RANBP2: variants seen among roughly 807,000 people sequenced by gnomAD.
The protein encoded by RANBP2 is RAN binding protein 2.
RANBP2 carries 57 observed loss-of-function variants against 303.6 expected under a neutral mutation model. The observed-to-expected ratio is 0.19, with a 90% confidence interval of 0.15 to 0.23. The LOEUF is 0.23. RANBP2 is among the 10% of genes least tolerant of loss of function. RANBP2 has a pLI of 1.00. For synonymous variants in RANBP2, 1,167 were observed against 1,301.5 expected, an observed-to-expected ratio of 0.90 and a Z score of 2.23; for missense variants, 3,138 against 3,780.8, an observed-to-expected ratio of 0.83 and a Z score of 4.46.
chr2:109,642,169 A>G, the RANBP2 span, among the ~76,000 whole-genome samples: 1 of 151,810 alleles, frequency 6.6e-6, no homozygotes, highest in African/African-American at 2.4e-5. Flanking sequence ...CGTGTTATCC[A>G]CCTGCCTTGG....
chr2:109,362,199 G>C, the RANBP2 span, among the ~76,000 whole-genome samples: 1 of 151,986 alleles, frequency 6.6e-6, no homozygotes, highest in Non-Finnish European at 1.5e-5. Flanking sequence ...GATGCATTCA[G>C]TGCTATAAAT....
chr2:109,657,576 AGT>A, the RANBP2 span, among the ~76,000 whole-genome samples: 1 of 76,998 alleles, frequency 1.3e-5, no homozygotes, highest in Non-Finnish European at 3.3e-5. Context: ...TTTAAGTTGG[AGT>A]GAAGTTTAAA....
At chr2:109,329,958 A>C in the RANBP2 span, among the ~76,000 whole-genome samples, 1 of 152,226 alleles carries the variant, frequency 6.6e-6, no homozygotes, top group East Asian at 1.9e-4. Flanking sequence ...GGGTTCTTGG[A>C]CCCCTAGTCA....
the RANBP2 span, among the ~76,000 whole-genome samples, chr2:109,396,540 C>T: frequency 6.6e-6 from 1 of 152,228 alleles, no homozygotes; most frequent in East Asian, 1.9e-4. Flanking sequence ...GCCACTTAAA[C>T]TCAGCAGGGC....
the RANBP2 span, chr2:109,347,704 C>T: frequency 2.5e-6 from 4 of 1,613,824 alleles, no homozygotes; most frequent in African/African-American, 4.0e-5. Flanking sequence ...TGGCAAGGCC[C>T]TCTACAGCTA....
chr2:109,592,820 T>A, the RANBP2 span, among the ~76,000 whole-genome samples: 1 of 151,338 alleles, frequency 6.6e-6, no homozygotes, highest in African/African-American at 2.4e-5. Context: ...GAAAAAAAAA[T>A]TTCCTTAATG....
At chr2:109,707,679 C>T in the RANBP2 span, among the ~76,000 whole-genome samples, 27 of 152,316 alleles carry the variant, frequency 1.8e-4, no homozygotes, top group Non-Finnish European at 3.5e-4. Context: ...CCTGTTCTGA[C>T]GGGTCAGCGC....
At chr2:108,789,607 AACTACAAAAAAAACTGCCATACAGGT>A (rs1169539070), downstream of RANBP2, among the ~76,000 whole-genome samples, 1 of 152,186 alleles carries the variant, frequency 6.6e-6, no homozygotes, top group Non-Finnish European at 1.5e-5. Flanking sequence ...AGAAAAAACG[AACTACAAAAAAAACTGCCATACAGGT>A]TTTGTTAGGC....
chr2:109,047,218 T>C, the RANBP2 span, among the ~76,000 whole-genome samples: 2 of 152,148 alleles, frequency 1.3e-5, no homozygotes, highest in Non-Finnish European at 2.9e-5. Flanking sequence ...CCTGCTCCCA[T>C]TGCTTCCCCA....
the RANBP2 span, among the ~76,000 whole-genome samples, chr2:109,272,200 A>G: frequency 6.6e-6 from 1 of 152,196 alleles, no homozygotes; most frequent in Non-Finnish European, 1.5e-5. Context: ...GCCCTCTGCA[A>G]TGACTGTCTG....
the RANBP2 span, among the ~76,000 whole-genome samples, chr2:108,941,398 A>G: frequency 3.3e-5 from 5 of 152,084 alleles, no homozygotes; most frequent in African/African-American, 1.2e-4. Flanking sequence ...GCCAGAGGAG[A>G]GTCCTGGTAG....
the RANBP2 span, among the ~76,000 whole-genome samples, chr2:108,908,332 A>G: frequency 1.3e-5 from 2 of 152,150 alleles, no homozygotes; most frequent in Non-Finnish European, 2.9e-5. Context: ...CTGACACACA[A>G]TGGATGCTCC....
chr2:109,105,248 C>T, the RANBP2 span, among the ~76,000 whole-genome samples: 2 of 152,152 alleles, frequency 1.3e-5, no homozygotes, highest in African/African-American at 2.4e-5. Flanking sequence ...GGAATTTAAC[C>T]GATATATGAC....
chr2:109,615,153 C>A, the RANBP2 span: 17 of 1,549,328 alleles, frequency 1.1e-5, no homozygotes, highest in South Asian at 1.1e-4. Context: ...GAGCGTGTGT[C>A]CCGGGGGCAG....
the RANBP2 span, among the ~76,000 whole-genome samples, chr2:109,239,923 C>T: frequency 3.3e-5 from 5 of 152,266 alleles, no homozygotes; most frequent in African/African-American, 4.8e-5. Flanking sequence ...GGCAGCCAGG[C>T]GGAGGTGACT....
the RANBP2 span, among the ~76,000 whole-genome samples, chr2:109,006,396 ATGTT>A: frequency 5.3e-5 from 8 of 151,670 alleles, no homozygotes; most frequent in African/African-American, 1.9e-4. Context: ...GGGTTTCACT[ATGTT>A]GGCCAGGCTG....
chr2:109,363,244 T>A, the RANBP2 span, among the ~76,000 whole-genome samples: 1 of 152,164 alleles, frequency 6.6e-6, no homozygotes, highest in Non-Finnish European at 1.5e-5. Context: ...TTTTTACTTT[T>A]TTAATTGGTT....
At chr2:108,818,834 T>C in the RANBP2 span, among the ~76,000 whole-genome samples, 8 of 151,486 alleles carry the variant, frequency 5.3e-5, no homozygotes, top group East Asian at 1.5e-3. Context: ...TTTTTTTTTG[T>C]ATATTTGATC....
At chr2:108,789,836 A>C (rs544903691), downstream of RANBP2, among the ~76,000 whole-genome samples, 89 of 152,326 alleles carry the variant, frequency 5.8e-4, no homozygotes, top group African/African-American at 2.0e-3. Context: ...AAACAGTGGA[A>C]GCTAAGGTAA....
Sources: allele counts gnomAD v4.1 joint callset (sites outside exome capture counted in the v4.1 genomes callset), GRCh38; gene constraint gnomAD v4.1.1; transcripts MANE v1.5; gene names NCBI Gene and HGNC (gene_info 2026-07-23, HGNC 2026-07-21).